VPS8: variants seen among roughly 807,000 people sequenced by gnomAD.
The protein encoded by VPS8 is VPS8 subunit of CORVET complex.
VPS8 carries 129 observed loss-of-function variants against 216.4 expected under a neutral mutation model. The observed-to-expected ratio is 0.60, with a 90% CI of 0.52 to 0.69. VPS8 has a LOEUF of 0.69. VPS8 is among the 30% of genes least tolerant of loss of function. VPS8 has a pLI of 0.00. For missense variants in VPS8, 1,531 were observed against 1,683.5 expected (o/e 0.91, Z 1.59); for synonymous variants, 571 against 565.4 (o/e 1.01, Z -0.14).
At chr3:184,910,587 T>G (rs1048635071) in intron 25 of VPS8, among the ~76,000 whole-genome samples, 1 of 152,238 alleles carries the variant, frequency 6.6e-6, no homozygotes, top group Non-Finnish European at 1.5e-5. Flanking sequence ...CATGGTGGTT[T>G]AGTAAATGGA....
intron 46 of VPS8, among the ~76,000 whole-genome samples, chr3:185,027,969 A>G (rs970074768): frequency 6.6e-6 from 1 of 152,218 alleles, no homozygotes; most frequent in African/African-American, 2.4e-5. Context: ...TATCAATGAG[A>G]GTCCATTTCC....
chr3:184,940,588 G>T (rs537724955), intron 36 of VPS8, among the ~76,000 whole-genome samples: 1 of 152,080 alleles, frequency 6.6e-6, no homozygotes, highest in African/African-American at 2.4e-5. Context: ...ACTTCATGTG[G>T]GTGATTGATG....
At chr3:184,833,297 C>T (rs891428432) in intron 4 of VPS8, among the ~76,000 whole-genome samples, 2 of 152,190 alleles carry the variant, frequency 1.3e-5, no homozygotes, top group Non-Finnish European at 1.5e-5. Flanking sequence ...TGCTTTTCAC[C>T]TTCCAAGTTC....
At chr3:184,894,609 G>A (rs1449789247) in intron 22 of VPS8, 94 bp from the exon 23 acceptor site, 13 of 968,580 alleles carry the variant, frequency 1.3e-5, no homozygotes, top group Non-Finnish European at 1.8e-5. Flanking sequence ...TGAGTAAGTT[G>A]AAGTAGGGAA....
At chr3:184,951,344 G>A (rs933129398) in intron 36 of VPS8, among the ~76,000 whole-genome samples, 2 of 152,018 alleles carry the variant, frequency 1.3e-5, no homozygotes, top group Non-Finnish European at 2.9e-5. Context: ...AAATTAGCCA[G>A]CGTAGTGCCC....
At chr3:184,926,536 T>G in intron 30 of VPS8, 58 bp from the exon 31 acceptor site, 152 of 1,483,076 alleles carry the variant, frequency 1.0e-4, no homozygotes, top group Non-Finnish European at 1.3e-4. Context: ...ATTTTTATTA[T>G]GAGAGTATTA....
chr3:184,834,652 G>A lies in VPS8; in HGVS notation c.357G>A (p.Lys119=), dbSNP rs1298440322. 1 of 1,516,028 alleles carries A rather than the reference G, an allele frequency of 6.6e-7. No homozygotes were observed. Among genetic ancestry groups the A allele is most frequent in the Non-Finnish European group, 8.8e-7 (1 of 1,131,774 alleles). 93.9% of individuals were successfully genotyped at this position (1,516,028 alleles called of 1,614,324 possible). A position where few individuals can be genotyped will look rare whatever the true frequency, so the allele number is the denominator to read the frequency against. Residue 119 remains lysine, a synonymous_variant, in exon 5 of 48, where the codon AAG becomes AAA. Transcript: ENST00000625842. ...TGTTTTTCTTTTTTTTTTTCAGGAA[G>A]AAGAAATTACCTGATTCTTTTTCAC... ...DSGDRTNLKR[K]KKLPDSFSLH... is the part of the protein sequence containing the mutation.
intron 45 of VPS8, among the ~76,000 whole-genome samples, chr3:185,006,893 T>A (rs1437880632): frequency 1.3e-5 from 2 of 152,246 alleles, no homozygotes; most frequent in Non-Finnish European, 2.9e-5. Context: ...AATTAACTTT[T>A]ACTTCTTCAG....
At chr3:184,972,036 A>G (rs2109643364) in intron 40 of VPS8, among the ~76,000 whole-genome samples, 1 of 151,206 alleles carries the variant, frequency 6.6e-6, no homozygotes, top group East Asian at 2.0e-4. Flanking sequence ...AGATCGCACC[A>G]TTGCACTCCA....
chr3:184,976,548 T>C (rs1749299396), intron 40 of VPS8, among the ~76,000 whole-genome samples: 1 of 152,108 alleles, frequency 6.6e-6, no homozygotes, highest in South Asian at 2.1e-4. Context: ...GTTTGGAGTA[T>C]GAATGAATAA....
At chr3:184,923,986 T>C (rs1245138873) in intron 29 of VPS8, among the ~76,000 whole-genome samples, 2 of 152,260 alleles carry the variant, frequency 1.3e-5, no homozygotes, top group Non-Finnish European at 2.9e-5. Flanking sequence ...ATTTAAGATG[T>C]TATGTCTTTT....
chr3:184,924,944 A>G lies in VPS8; in HGVS notation c.2537A>G (p.Asp846Gly), dbSNP rs751052754. The G allele has an allele frequency of 9.9e-6, 16 of 1,613,854 alleles. No individual in the cohort carries two copies. The South Asian group carries it at 1.6e-4, about 17-fold the overall frequency. Reference sequence around the variant, plus strand: ...CTTGCTCGGCAGCTTGCAAAGCCTGACAACACCTTGTTTGTAAACAGAACA... The same window carrying G: ...CTTGCTCGGCAGCTTGCAAAGCCTGGCAACACCTTGTTTGTAAACAGAACA... ...TFLARQLAKP[D>G]NTLFVNRTLF... The change falls in exon 30 of 48, where the codon GAC (aspartate) becomes GGC (glycine). Residue 846 changes from aspartate to glycine, a missense_variant. Asp to Gly is a moderately conservative substitution (Grantham distance 94, BLOSUM62 -1). This residue lies in a region of VPS8 where 1,318 missense variants were observed against 1,468.4 expected (regional missense o/e 0.90). Coordinates refer to ENST00000625842, the MANE Select transcript of VPS8 (RefSeq NM_001009921.3).
intron 14 of VPS8, among the ~76,000 whole-genome samples, chr3:184,859,519 T>C (rs1725884027): frequency 6.6e-6 from 1 of 152,224 alleles, no homozygotes; most frequent in African/African-American, 2.4e-5. Flanking sequence ...GATCCATGCA[T>C]AGTTTTTTCA....
chr3:185,000,584 T>C (rs1332832496), intron 45 of VPS8, among the ~76,000 whole-genome samples: 2 of 150,578 alleles, frequency 1.3e-5, no homozygotes, highest in East Asian at 4.0e-4. Flanking sequence ...AGTGAAAAGT[T>C]GGGCTTGTTA....
rs190359853 is a variant in VPS8 at position 184,845,751 on chromosome 3, G to A, written c.541+2506G>A. The stretch of plus-strand genomic sequence containing the variant: ...GCCTGGGCAACAAGAGCGAAACTCC[G>A]TCTCAAAAAAAAAAAAAAAAAAAAT... On this transcript the variant is annotated intron_variant, in intron 8 of 47. Transcript: ENST00000625842. 6.9e-5 allele frequency among the ~76,000 whole-genome samples: 8 copies of A among 115,300 alleles called. No homozygotes were observed. In the South Asian group the frequency reaches 9.8e-4, roughly 14 times the overall value. 75.6% of individuals were successfully genotyped at this position (115,300 alleles called of 152,430 possible). A position where few individuals can be genotyped will look rare whatever the true frequency, so the allele number is the denominator to read the frequency against.
chr3:185,021,344 T>C (rs1164242836), intron 45 of VPS8, among the ~76,000 whole-genome samples: 3 of 152,212 alleles, frequency 2.0e-5, no homozygotes, highest in Admixed American at 2.0e-4. Flanking sequence ...TGAGGGATGC[T>C]GGACCACTTC....
intron 44 of VPS8, among the ~76,000 whole-genome samples, chr3:184,999,443 T>C (rs1753097466): frequency 6.6e-6 from 1 of 152,200 alleles, no homozygotes; most frequent in Admixed American, 6.5e-5. Context: ...ACTCATCCTC[T>C]AGGTAGTTTT....
At chr3:184,978,806 C>G (rs528594808) in intron 40 of VPS8, among the ~76,000 whole-genome samples, 6 of 152,226 alleles carry the variant, frequency 3.9e-5, no homozygotes, top group East Asian at 3.9e-4. Flanking sequence ...CAATTGTATT[C>G]AGTTCAACTC....
chr3:184,825,876 G>T (rs772485291), intron 2 of VPS8, among the ~76,000 whole-genome samples: 1 of 151,820 alleles, frequency 6.6e-6, no homozygotes, highest in Non-Finnish European at 1.5e-5. Flanking sequence ...ACTCCAGCCT[G>T]GGCATCACAG....
Sources: allele counts gnomAD v4.1 joint callset (sites outside exome capture counted in the v4.1 genomes callset), GRCh38; gene constraint gnomAD v4.1.1; regional missense constraint gnomAD v4.1.1; transcripts MANE v1.5; gene names NCBI Gene and HGNC (gene_info 2026-07-23, HGNC 2026-07-21).